Variants in GRAMD1B observed in about 807,000 individuals in gnomAD.
The protein encoded by GRAMD1B is GRAM domain containing 1B, also known as protein Aster-B.
GRAMD1B carries 37 observed loss-of-function variants against 99.7 expected under a neutral mutation model. That is an observed-to-expected ratio of 0.37 (90% CI 0.29 to 0.49). The LOEUF (loss-of-function observed/expected upper bound fraction) is 0.49. Ranked by LOEUF, GRAMD1B falls within the 20% of genes least tolerant of loss-of-function variation. The pLI is 0.98. For synonymous variants in GRAMD1B, 427 were observed against 387.6 expected (o/e 1.10, Z -1.19); for missense variants, 888 against 1,009.2 (o/e 0.88, Z 1.63).
chr11:123,598,307 G>A, intron 7 of GRAMD1B: 1 of 1,257,464 alleles, frequency 8.0e-7, no homozygotes, highest in African/African-American at 1.5e-5. Context: ...CAAGTGGCAG[G>A]TTTTTGGGGT....
intron 1 of GRAMD1B, among the ~76,000 whole-genome samples, chr11:123,469,775 CT>C (rs1332911610): frequency 1.5e-4 from 13 of 88,970 alleles, no homozygotes; most frequent in South Asian, 3.9e-4. Flanking sequence ...CTTTCTCTTT[CT>C]TTCCTTCCTT....
In GRAMD1B at chr11:123,595,897, G is replaced by A. The variant is rs1436189997; in HGVS notation, c.874-45G>A. On this transcript the variant is annotated intron_variant, in intron 6 of 19. Coordinates refer to ENST00000635736, the MANE Select transcript of GRAMD1B (RefSeq NM_001387025.1). The stretch of plus-strand genomic sequence containing the variant: ...AACACTGTTTACCTGACTTACTAAT[G>A]CCCCACTTTGCTTGTTGCCCATTCT... The A allele has an allele frequency of 4.6e-6, 5 of 1,075,356 alleles. No individual in the cohort carries two copies. The East Asian group carries it at 1.2e-4, about 27-fold the overall frequency. The allele number at this position is 1,075,356 out of a possible 1,614,324, so 66.6% of individuals were successfully genotyped here.
intron 2 of GRAMD1B, among the ~76,000 whole-genome samples, chr11:123,486,326 T>C (rs568999360): frequency 6.6e-6 from 1 of 152,068 alleles, no homozygotes; most frequent in South Asian, 2.1e-4. Context: ...CGTGGGTGGA[T>C]TGCCTGAGCT....
chr11:123,488,842 G>T (rs554236003), intron 2 of GRAMD1B, among the ~76,000 whole-genome samples: 1 of 152,296 alleles, frequency 6.6e-6, no homozygotes, highest in Admixed American at 6.5e-5. Context: ...GCAACATAAA[G>T]ATGTGGCTCC....
rs1421418613 is a variant in GRAMD1B, at chr11:123,623,994, A to G, written c.*1399A>G. 1 of 152,200 alleles carries G rather than the reference A, an allele frequency of 6.6e-6. No homozygotes were observed. Among genetic ancestry groups the G allele is most frequent in the Non-Finnish European group, 1.5e-5 (1 of 68,048 alleles). 9.4% of individuals were successfully genotyped at this position (152,200 alleles called of 1,614,324 possible). On this transcript the variant is annotated 3_prime_UTR_variant, in exon 20 of 20. Transcript: ENST00000635736. ...GCCTTTTCAGCATTGGCCCACTAGC[A>G]CCATGCATTTATCTGAATTCACGGG...
rs1261074275 is a variant in GRAMD1B, at chr11:123,610,244, G to A, written c.1825G>A (p.Glu609Lys). The A allele has an allele frequency of 3.1e-6, 5 of 1,613,632 alleles. No homozygotes were observed. The highest frequency in any genetic ancestry group is 2.2e-5 in the East Asian group (1 of 44,866). Residue 609 changes from glutamate to lysine, a missense_variant, in exon 14 of 20, where the codon GAA (glutamate) becomes AAA (lysine). Physicochemically the swap from Glu to Lys is moderately conservative, Grantham distance 56. This residue lies in a region of GRAMD1B where 92 missense variants were observed against 156.9 expected (regional missense o/e 0.59). Transcript: ENST00000635736. The surrounding 1 kb of genome is among the most constrained non-coding windows in gnomAD (Gnocchi z 4.1). Reference sequence around the variant, plus strand: ...GAGTGAATGTTACGTGATAGATGCCGAAGTCCTCACCCACGACGTGCCCTA... The same window carrying A: ...GAGTGAATGTTACGTGATAGATGCCAAAGTCCTCACCCACGACGTGCCCTA... ...QESECYVIDA[E>K]VLTHDVPYHD...
intron 2 of GRAMD1B, among the ~76,000 whole-genome samples, chr11:123,549,466 T>TG (rs1165651493): frequency 6.6e-6 from 1 of 151,894 alleles, no homozygotes; most frequent in African/African-American, 2.4e-5. Flanking sequence ...GGCGTGAACC[T>TG]GGGAGGCAGA....
rs142825006 is a variant in GRAMD1B at position 123,591,415 on chromosome 11, G to A, written c.685-2667G>A. ...GGGCAATGGAATCACTGACGGAGTCGGGGGTCCTCTGGAGCCTTCTGCTGG... is the reference window on the plus strand; with the variant it reads ...GGGCAATGGAATCACTGACGGAGTCAGGGGTCCTCTGGAGCCTTCTGCTGG... On this transcript the variant is annotated intron_variant, in intron 4 of 19. Transcript: ENST00000635736. This position sits in a 1 kb window ranked among gnomAD's most constrained non-coding sequence, Gnocchi z 4.7. The A allele has an allele frequency of 3.9e-3, 1,557 of 399,114 alleles. 26 individuals carry two copies. The highest frequency in any genetic ancestry group is 0.03 in the East Asian group (850 of 28,064). 24.7% of individuals were successfully genotyped at this position (399,114 alleles called of 1,614,324 possible).
rs1592265081 is a variant in GRAMD1B at position 123,610,034 on chromosome 11, G to A, written c.1776+121G>A. ...CGCAAGTGTCATTTTGCCCCAAAGCGGTGGTGGCGTCTTGCTTGTTTAGTT... is the reference window on the plus strand; with the variant it reads ...CGCAAGTGTCATTTTGCCCCAAAGCAGTGGTGGCGTCTTGCTTGTTTAGTT... On this transcript the variant is annotated intron_variant, in intron 13 of 19. Coordinates refer to ENST00000635736, the MANE Select transcript of GRAMD1B (RefSeq NM_001387025.1). The surrounding 1 kb of genome is among the most constrained non-coding windows in gnomAD (Gnocchi z 4.1). The A allele has an allele frequency of 7.2e-6, 6 of 835,610 alleles. No individual in the cohort carries two copies. Among genetic ancestry groups the A allele is most frequent in the Admixed American group, 4.3e-5 (2 of 46,524 alleles). The allele number at this position is 835,610 out of a possible 1,614,324, so 51.8% of individuals were successfully genotyped here.
At chr11:123,536,336 A>G (rs1219454731) in intron 2 of GRAMD1B, among the ~76,000 whole-genome samples, 4 of 151,954 alleles carry the variant, frequency 2.6e-5, no homozygotes, top group Admixed American at 2.0e-4. Flanking sequence ...AATAGCTTCA[A>G]CCCCAGAGGT....
At chr11:123,603,658 TGAA>T (rs1952295150) in intron 9 of GRAMD1B, 117 bp downstream of exon 9, 1 of 707,890 alleles carries the variant, frequency 1.4e-6, no homozygotes, top group African/African-American at 1.8e-5. Context: ...AACTGTGGAA[TGAA>T]GGAGGGAAAG....
chr11:123,418,985 A>G (rs556049757), intron 1 of GRAMD1B, among the ~76,000 whole-genome samples: 1 of 152,360 alleles, frequency 6.6e-6, no homozygotes, highest in East Asian at 1.9e-4. Context: ...TGGGAGGAAC[A>G]TGCACATCAC....
intron 2 of GRAMD1B, among the ~76,000 whole-genome samples, chr11:123,521,683 G>A (rs1395629332): frequency 6.6e-6 from 1 of 152,216 alleles, no homozygotes; most frequent in Non-Finnish European, 1.5e-5. Flanking sequence ...CAACATCAAG[G>A]TTTAGGACAG....
At chr11:123,583,839 G>A (rs1005753720) in intron 3 of GRAMD1B, among the ~76,000 whole-genome samples, 4 of 152,180 alleles carry the variant, frequency 2.6e-5, no homozygotes, top group Non-Finnish European at 5.9e-5. Flanking sequence ...CGCCTGCTGA[G>A]AGTGCAGTTG....
chr11:123,368,263 A>AC (rs1946391442), intron 1 of GRAMD1B, among the ~76,000 whole-genome samples: 3 of 139,824 alleles, frequency 2.1e-5, no homozygotes, highest in East Asian at 4.0e-4. Context: ...TAAAACAAAA[A>AC]AAAAAAAAAA....
chr11:123,569,887 G>A (rs949695961), intron 2 of GRAMD1B, among the ~76,000 whole-genome samples: 3 of 152,336 alleles, frequency 2.0e-5, no homozygotes, highest in Admixed American at 1.3e-4. Context: ...GGGCCTTCGC[G>A]CCAATGGTAA....
At chr11:123,488,930 AG>A (rs908765804) in intron 2 of GRAMD1B, among the ~76,000 whole-genome samples, 11 of 147,998 alleles carry the variant, frequency 7.4e-5, no homozygotes, top group Admixed American at 2.0e-4. Context: ...GAAAATAGTT[AG>A]GGGGGGGCGG....
intron 1 of GRAMD1B, among the ~76,000 whole-genome samples, chr11:123,416,801 T>C (rs185469851): frequency 2.0e-5 from 3 of 152,330 alleles, no homozygotes; most frequent in Admixed American, 2.0e-4. Flanking sequence ...TTTTTTAGCA[T>C]GTGCTATGTG....
chr11:123,603,532 A>G lies in GRAMD1B; in HGVS notation c.1157A>G (p.Asn386Ser). 1 of 1,606,910 alleles carries G rather than the reference A, an allele frequency of 6.2e-7. No individual in the cohort carries two copies. The highest frequency in any genetic ancestry group is 8.5e-7 in the Non-Finnish European group (1 of 1,173,376). Reference sequence around the variant, plus strand: ...TACGTGCCCCCTGACGACGACTTCAACACAATGGGGTGAGTGAGGCCAAGG... The same window carrying G: ...TACGTGCCCCCTGACGACGACTTCAGCACAATGGGGTGAGTGAGGCCAAGG... ...EDYVPPDDDF[N>S]TMGYCEEIPV... Residue 386 changes from asparagine to serine, a missense_variant, in exon 9 of 20, where the codon AAC (asparagine) becomes AGC (serine). By Grantham distance (46) the Asn-to-Ser change is conservative. This residue lies in a region of GRAMD1B where 269 missense variants were observed against 296.6 expected (regional missense o/e 0.91). Transcript: ENST00000635736.
Sources: allele counts gnomAD v4.1 joint callset (sites outside exome capture counted in the v4.1 genomes callset), GRCh38; gene constraint gnomAD v4.1.1; regional missense constraint gnomAD v4.1.1; non-coding constraint Gnocchi (gnomAD v3.1); transcripts MANE v1.5; gene names NCBI Gene and HGNC (gene_info 2026-07-23, HGNC 2026-07-21).